FXYD6: variants seen among roughly 807,000 people sequenced by gnomAD.
The protein encoded by FXYD6 is FXYD domain containing ion transport regulator 6.
Under a neutral mutation model 16.7 loss-of-function variants are expected in FXYD6, and 7 were observed. That is an observed-to-expected ratio of 0.42 (90% CI 0.24 to 0.79). FXYD6 has a LOEUF of 0.79. FXYD6 is among the 30% of genes least tolerant of loss of function. The pLI is 0.28. For synonymous variants in FXYD6, 49 were observed against 43.0 expected (o/e 1.14, Z -0.54); for missense variants, 111 against 116.2 (o/e 0.95, Z 0.21).
At chr11:117,858,491 C>T (rs1324840014) in intron 1 of FXYD6, among the ~76,000 whole-genome samples, 1 of 152,050 alleles carries the variant, frequency 6.6e-6, no homozygotes, top group Admixed American at 6.6e-5. Context: ...GGGGTAAGGA[C>T]CACACTCAGC....
chr11:117,853,987 TTCAA>T (rs1206339015), intron 1 of FXYD6, among the ~76,000 whole-genome samples: 2 of 152,202 alleles, frequency 1.3e-5, no homozygotes, highest in Non-Finnish European at 2.9e-5. Context: ...CTAAAATATC[TTCAA>T]TCAAAGTATG....
intron 1 of FXYD6, among the ~76,000 whole-genome samples, chr11:117,869,453 G>A (rs1032006109): frequency 6.6e-6 from 1 of 152,216 alleles, no homozygotes; most frequent in African/African-American, 2.4e-5. Context: ...TCATGGAAGA[G>A]GGGCACTCCC....
chr11:117,841,073 GGGGT>G lies in FXYD6; in HGVS notation c.209+71_209+74del, dbSNP rs2056328864. On this transcript the variant is annotated intron_variant, in intron 5 of 7. Transcript: ENST00000526014. ...AAGAATCCAAGAGAATGCCCATTTG[GGGGT>G]CACACACCAGGGGTCCCTTCCTGTC... The G allele has an allele frequency of 1.3e-5, 20 of 1,579,754 alleles. No homozygotes were observed. The South Asian group carries it at 1.9e-4, about 15-fold the overall frequency.
At chr11:117,865,622 C>T (rs1236186574) in intron 1 of FXYD6, among the ~76,000 whole-genome samples, 2 of 152,066 alleles carry the variant, frequency 1.3e-5, no homozygotes, top group Non-Finnish European at 2.9e-5. Context: ...ATAAGAGTGA[C>T]TGTGGTGAGG....
In FXYD6 at chr11:117,858,665, T is replaced by C. The variant is rs1236688366; in HGVS notation, c.-5-15884A>G. Among the ~76,000 whole-genome samples the C allele has an allele frequency of 6.0e-5, 5 of 83,904 alleles. No individual in the cohort carries two copies. In the East Asian group the frequency reaches 3.0e-3, roughly 50 times the overall value. The allele number at this position is 83,904 out of a possible 152,430, so 55.0% of individuals were successfully genotyped here. ...TTTCTTTCTTTCTTTCTTTCTTTCT[T>C]TCTTTCTTTCTTTCTTTCTTTCTTT... On this transcript the variant is annotated intron_variant, in intron 1 of 7. Transcript: ENST00000526014.
At chr11:117,840,539 G>T (rs2056314598) in intron 5 of FXYD6, among the ~76,000 whole-genome samples, 171 bp from the exon 6 acceptor site, 1 of 152,170 alleles carries the variant, frequency 6.6e-6, no homozygotes, top group African/African-American at 2.4e-5. Flanking sequence ...GAAAGGTCTG[G>T]ACTGAAGGGT....
chr11:117,871,309 G>C (rs73586988), intron 1 of FXYD6, among the ~76,000 whole-genome samples: 190 of 152,328 alleles, frequency 1.2e-3, no homozygotes, highest in African/African-American at 4.4e-3. Flanking sequence ...AGGGCGACTA[G>C]GTGTCTACAC....
At chr11:117,841,043 G>A (rs1264235055) in intron 5 of FXYD6, 105 bp downstream of exon 5, 12 of 1,461,360 alleles carry the variant, frequency 8.2e-6, no homozygotes, top group East Asian at 4.7e-5. Flanking sequence ...TTCTGCCTCC[G>A]AGACAAGAAT....
chr11:117,842,977 A>C (rs942965968), intron 1 of FXYD6, among the ~76,000 whole-genome samples, 196 bp from the exon 2 acceptor site: 4 of 151,558 alleles, frequency 2.6e-5, no homozygotes, highest in African/African-American at 9.7e-5. Flanking sequence ...TATCTTGCCC[A>C]GGCTAGAGCG....
intron 1 of FXYD6, among the ~76,000 whole-genome samples, chr11:117,863,887 G>A (rs1056210792): frequency 6.6e-6 from 1 of 152,008 alleles, no homozygotes; most frequent in Non-Finnish European, 1.5e-5. Flanking sequence ...AAAATATTTA[G>A]AAATTAACCA....
intron 1 of FXYD6, among the ~76,000 whole-genome samples, chr11:117,844,529 G>C (rs2056429743): frequency 2.6e-5 from 4 of 151,948 alleles, no homozygotes; most frequent in Admixed American, 2.6e-4. Context: ...GAGTCTCCCT[G>C]TGTCGCCCAG....
Position 117,838,127 on chromosome 11 carries a change from C to T in FXYD6, c.*172G>A, listed in dbSNP as rs2056241965. ...GGGAGGCAAGTGTTAGTTGCATCAT[C>T]AGGTGGAGGAATGGTGTTAGAGGGG... On this transcript the variant is annotated 3_prime_UTR_variant, in exon 8 of 8. Coordinates refer to ENST00000526014, the MANE Select transcript of FXYD6 (RefSeq NM_022003.4). 3 of 697,508 alleles carry T rather than the reference C, an allele frequency of 4.3e-6. No individual in the cohort carries two copies. Among genetic ancestry groups the T allele is most frequent in the East Asian group, 5.4e-5 (2 of 37,184 alleles). 43.2% of individuals were successfully genotyped at this position (697,508 alleles called of 1,614,324 possible).
At chr11:117,838,905 T>C (rs906178575) in intron 7 of FXYD6, 3 of 154,656 alleles carry the variant, frequency 1.9e-5, no homozygotes, top group Non-Finnish European at 4.3e-5. Context: ...CAGAAACCTC[T>C]TTTACCTTAC....
rs531955990 is a variant in FXYD6 at position 117,855,522 on chromosome 11, C to G, written c.-5-12741G>C. ...CCATCTCATATACCACCCCTCTGCA[C>G]CTCCCACCCTCCCAGTGACCACACA... On this transcript the variant is annotated intron_variant, in intron 1 of 7. Coordinates refer to ENST00000526014, the MANE Select transcript of FXYD6 (RefSeq NM_022003.4). Among the ~76,000 whole-genome samples the G allele has an allele frequency of 3.3e-5, 5 of 152,304 alleles. No individual in the cohort carries two copies. In the East Asian group the frequency reaches 7.7e-4, roughly 24 times the overall value.
intron 1 of FXYD6, among the ~76,000 whole-genome samples, chr11:117,876,231 A>G (rs2057261136): frequency 6.6e-6 from 1 of 151,954 alleles, no homozygotes. Flanking sequence ...CCAAGTAACA[A>G]AGGGAAAACT....
At chr11:117,838,788 G>A (rs546123220) in intron 7 of FXYD6, 3 of 165,344 alleles carry the variant, frequency 1.8e-5, no homozygotes, top group East Asian at 1.7e-4. Flanking sequence ...TGCCCATCAC[G>A]GGCCGCTATG....
In FXYD6 at chr11:117,842,740, C is replaced by T. The variant is rs1217218603; in HGVS notation, c.37G>A (p.Ala13Thr). ...TTACCACTGGCCAGGACCATGGGGG[C>T]CAGCAGGCTGCAGAGGAAGACCAGC... ...LVLVFLCSLL[A>T]PMVLASAAEK... The change falls in exon 2 of 8, where the codon GCC (alanine) becomes ACC (threonine). Residue 13 changes from alanine to threonine, a missense_variant. Coordinates refer to ENST00000526014, the MANE Select transcript of FXYD6 (RefSeq NM_022003.4). 5.1e-6 allele frequency: 8 copies of T among 1,570,078 alleles called. No homozygotes were observed. Among genetic ancestry groups the T allele is most frequent in the Non-Finnish European group, 6.9e-6 (8 of 1,156,830 alleles).
intron 1 of FXYD6, among the ~76,000 whole-genome samples, chr11:117,866,155 G>A (rs753647752): frequency 1.6e-4 from 24 of 152,076 alleles, no homozygotes; most frequent in Admixed American, 4.6e-4. Context: ...GAAATGGGGA[G>A]TGAGTGTTTA....
chr11:117,873,674 G>T (rs1469941740), intron 1 of FXYD6, among the ~76,000 whole-genome samples: 1 of 152,172 alleles, frequency 6.6e-6, no homozygotes, highest in Non-Finnish European at 1.5e-5. Context: ...GGCACAGTCT[G>T]CCATCCAGAT....
Sources: allele counts gnomAD v4.1 joint callset (sites outside exome capture counted in the v4.1 genomes callset), GRCh38; gene constraint gnomAD v4.1.1; transcripts MANE v1.5; gene names NCBI Gene and HGNC (gene_info 2026-07-23, HGNC 2026-07-21).